TULP4: variants seen among roughly 807,000 people sequenced by gnomAD.
TULP4 encodes TUB like protein 4.
TULP4 carries 16 observed loss-of-function variants against 129.0 expected under a neutral mutation model. The observed-to-expected ratio is 0.12, with a 90% CI of 0.08 to 0.19. The LOEUF (loss-of-function observed/expected upper bound fraction) is 0.19, where lower values mean the gene tolerates loss of function less well. TULP4 is among the 10% of genes least tolerant of loss of function. TULP4 has a pLI of 1.00. For missense variants in TULP4, 1,842 were observed against 2,059.1 expected (o/e 0.89, Z 2.04); for synonymous variants, 998 against 854.0 (o/e 1.17, Z -2.94).
chr6:158,237,286 TA>T, intron 1 of TULP4: 1 of 1,324,306 alleles, frequency 7.6e-7, no homozygotes, highest in Non-Finnish European at 1.1e-6. Flanking sequence ...ATTATATTCC[TA>T]ATGTTACCGA....
At position 158,312,773 on chromosome 6, in the gene TULP4, G is replaced by C. The variant is rs144565288; in HGVS notation, c.-1244G>C. On this transcript the variant is annotated 5_prime_UTR_variant, in exon 1 of 14. Transcript: ENST00000367097. Reference sequence around the variant, plus strand: ...AAATATCAAGGAAAATCCAAGCAAAGCTTTCTTTTTGTTGGACTAGTGGTG... The same window carrying C: ...AAATATCAAGGAAAATCCAAGCAAACCTTTCTTTTTGTTGGACTAGTGGTG... 1 of 152,244 alleles carries C rather than the reference G, an allele frequency of 6.6e-6. No homozygotes were observed. Among genetic ancestry groups the C allele is most frequent in the African/African-American group, 2.4e-5 (1 of 41,538 alleles). The allele number at this position is 152,244 out of a possible 1,614,324, so 9.4% of individuals were successfully genotyped here.
chr6:158,464,032 T>C (rs1217288693), intron 6 of TULP4, among the ~76,000 whole-genome samples: 1 of 152,226 alleles, frequency 6.6e-6, no homozygotes, highest in Non-Finnish European at 1.5e-5. Flanking sequence ...TACTATCTTT[T>C]CTGTGAGTTT....
At chr6:158,388,310 C>A (rs1454956938) in intron 1 of TULP4, among the ~76,000 whole-genome samples, 1 of 140,790 alleles carries the variant, frequency 7.1e-6, no homozygotes, top group Non-Finnish European at 1.5e-5. Flanking sequence ...GAAAAATAAT[C>A]TGCTCGTTTT....
At chr6:158,420,020 A>T (rs1322483932) in intron 2 of TULP4, among the ~76,000 whole-genome samples, 3 of 152,224 alleles carry the variant, frequency 2.0e-5, no homozygotes, top group Admixed American at 6.5e-5. Flanking sequence ...ATAAAAATTG[A>T]TCATATTCTA....
rs551988485 is a variant in TULP4 at position 158,503,640 on chromosome 6, T to C, written c.3977T>C (p.Val1326Ala). The C allele has an allele frequency of 3.7e-6, 6 of 1,613,434 alleles. No individual in the cohort carries two copies. The South Asian group carries it at 6.6e-5, about 18-fold the overall frequency. Residue 1326 changes from valine (V) to alanine (A), a missense_variant, in exon 13 of 14, where the codon GTC (valine) becomes GCC (alanine). Coordinates refer to ENST00000367097, the MANE Select transcript of TULP4 (RefSeq NM_020245.5). This position sits in a 1 kb window ranked among gnomAD's most constrained non-coding sequence, Gnocchi z 4.3. ...QEVLSLTESPVPQRTEKFGKK... is the reference protein window; with the variant it reads ...QEVLSLTESPAPQRTEKFGKK... Reference sequence around the variant, plus strand: ...GTCCTCTCCCTGACCGAAAGCCCAGTCCCCCAGCGGACAGAAAAATTTGGA... The same window carrying C: ...GTCCTCTCCCTGACCGAAAGCCCAGCCCCCCAGCGGACAGAAAAATTTGGA...
chr6:158,481,062 T>C lies in TULP4; in HGVS notation c.1259T>C (p.Ile420Thr), dbSNP rs1340065890. ...TAFIPTIKPP[I>T]PDPNNMRDFV... is the part of the protein sequence containing the mutation. The stretch of plus-strand genomic sequence containing the variant: ...TCTTCCTGTATCCTCCAGCCCCCAA[T>C]TCCAGATCCGAACAACATGAGAGAC... The change falls in exon 8 of 14, where the codon ATT (isoleucine) becomes ACT (threonine). Residue 420 changes from isoleucine (I) to threonine (T), a missense_variant. Physicochemically the swap from Ile to Thr is moderately conservative, Grantham distance 89 (BLOSUM62 -1). Around this residue, in one of 5 missense-constraint regions of TULP4, gnomAD observed 456 missense variants for 534.3 expected, o/e 0.85. Transcript: ENST00000367097. 1 of 1,565,078 alleles carries C rather than the reference T, an allele frequency of 6.4e-7. No individual in the cohort carries two copies. The highest frequency in any genetic ancestry group is 2.3e-5 in the East Asian group (1 of 44,246).
chr6:158,412,193 G>A (rs1458605448), intron 1 of TULP4, among the ~76,000 whole-genome samples: 15 of 152,176 alleles, frequency 9.9e-5, no homozygotes, highest in Non-Finnish European at 2.1e-4. Flanking sequence ...AAAAATGTGT[G>A]CTGAATGTGT....
Position 158,395,856 on chromosome 6 carries a change from T to C in TULP4, c.253-17209T>C, listed in dbSNP as rs566916096. ...TGCCTCAAAGTTTAGAAGTCTGTCA[T>C]TTTTCAAAGATGTACTACAATTCTG... is the stretch of plus-strand genomic sequence containing the variant. On this transcript the variant is annotated intron_variant, in intron 1 of 13. Transcript: ENST00000367097. Among the ~76,000 whole-genome samples the C allele has an allele frequency of 3.3e-5, 5 of 152,266 alleles. No individual in the cohort carries two copies. In the South Asian group the frequency reaches 6.2e-4, roughly 19 times the overall value.
At chr6:158,309,639 G>T (rs1219765363), upstream of TULP4, among the ~76,000 whole-genome samples, 7 of 152,234 alleles carry the variant, frequency 4.6e-5, no homozygotes, top group South Asian at 1.5e-3. Context: ...CTGCAATCCC[G>T]GCACCTCGGG....
At chr6:158,362,603 G>T (rs1303728890) in intron 1 of TULP4, among the ~76,000 whole-genome samples, 1 of 152,148 alleles carries the variant, frequency 6.6e-6, no homozygotes, top group African/African-American at 2.4e-5. Context: ...TCCTGCATTG[G>T]ACTCCCAAAG....
At chr6:158,350,373 G>A (rs1442786880) in intron 1 of TULP4, among the ~76,000 whole-genome samples, 1 of 152,036 alleles carries the variant, frequency 6.6e-6, no homozygotes, top group Admixed American at 6.6e-5. Context: ...GGCCAAGGCA[G>A]GCGGCTGGGA....
chr6:158,449,275 C>T, intron 4 of TULP4, 99 bp downstream of exon 4: 1 of 1,296,794 alleles, frequency 7.7e-7, no homozygotes, highest in Non-Finnish European at 1.0e-6. Context: ...TGAAGGGCCG[C>T]CACACCTACG....
At chr6:158,428,540 A>G (rs193180416) in intron 2 of TULP4, among the ~76,000 whole-genome samples, 7 of 152,346 alleles carry the variant, frequency 4.6e-5, no homozygotes, top group African/African-American at 9.6e-5. Flanking sequence ...TAATAGAGGG[A>G]AAAATGTGGT....
At chr6:158,310,864 A>G (rs1335408350), upstream of TULP4, among the ~76,000 whole-genome samples, 3 of 152,248 alleles carry the variant, frequency 2.0e-5, no homozygotes, top group African/African-American at 7.2e-5. Flanking sequence ...ATTTTGGGAC[A>G]CAAGGGTATT....
chr6:158,303,230 A>G (rs965433957), intron 1 of TULP4, among the ~76,000 whole-genome samples: 2 of 151,960 alleles, frequency 1.3e-5, no homozygotes, highest in African/African-American at 4.8e-5. Flanking sequence ...CTCACCAGCC[A>G]GAGTGGAAAC....
chr6:158,337,086 G>A (rs377538630), intron 1 of TULP4, among the ~76,000 whole-genome samples: 1 of 137,414 alleles, frequency 7.3e-6, no homozygotes, highest in African/African-American at 2.8e-5. Context: ...CTTTCTTTCT[G>A]TCTCTCTCTC....
chr6:158,329,928 CTT>C, intron 1 of TULP4, among the ~76,000 whole-genome samples: 1 of 151,912 alleles, frequency 6.6e-6, no homozygotes, highest in Non-Finnish European at 1.5e-5. Flanking sequence ...ATCAATATCT[CTT>C]TTTTAAAAAA....
At chr6:158,285,053 G>C (rs1023810625) in intron 1 of TULP4, among the ~76,000 whole-genome samples, 1 of 152,098 alleles carries the variant, frequency 6.6e-6, no homozygotes, top group Non-Finnish European at 1.5e-5. Flanking sequence ...TGATTCTCAA[G>C]GTCTTTGATT....
chr6:158,257,842 G>C (rs1384373145), intron 1 of TULP4, among the ~76,000 whole-genome samples: 1 of 152,208 alleles, frequency 6.6e-6, no homozygotes, highest in Non-Finnish European at 1.5e-5. Context: ...CTTTAACCTA[G>C]CATTAGTTGG....
Sources: gnomAD v4.1 joint callset for allele counts (sites outside exome capture counted in the v4.1 genomes callset) on GRCh38, gnomAD v4.1.1 for gene constraint, gnomAD v4.1.1 regional missense constraint, Gnocchi (gnomAD v3.1) non-coding constraint, MANE v1.5 for transcripts, NCBI Gene and HGNC (gene_info 2026-07-23, HGNC 2026-07-21) for gene names.